The following GPR89A variants were observed in gnomAD, a reference collection of about 807,000 sequenced individuals.
GPR89A encodes the protein golgi pH regulator A, also known as G protein-coupled receptor 89A.
Under a neutral mutation model 52.0 loss-of-function variants are expected in GPR89A, and 16 were observed. That is an observed-to-expected ratio of 0.31 (90% CI 0.21 to 0.47). The LOEUF (loss-of-function observed/expected upper bound fraction) is 0.47, where lower values mean the gene tolerates loss of function less well. Ranked by LOEUF, GPR89A falls within the 20% of genes least tolerant of loss-of-function variation. The pLI is 1.00. For missense variants in GPR89A, 135 were observed against 449.4 expected (o/e 0.30, Z 6.33); for synonymous variants, 55 against 150.9 (o/e 0.36, Z 4.66).
At chr1:145,647,879 C>CTATATATATATATATATA in intron 10 of GPR89A, among the ~76,000 whole-genome samples, 1 of 24,666 alleles carries the variant, frequency 4.1e-5, no homozygotes, top group African/African-American at 2.2e-4. Flanking sequence ...CTCTCTCTCT[C>CTATATATATATATATATA]TATATATATA....
intron 10 of GPR89A, among the ~76,000 whole-genome samples, chr1:145,659,382 T>G (rs1652032514): frequency 6.6e-6 from 1 of 151,908 alleles, no homozygotes; most frequent in South Asian, 2.1e-4. Context: ...AGACAGGGTT[T>G]CACCATATTG....
chr1:145,650,995 TA>T (rs1359709755), intron 10 of GPR89A, among the ~76,000 whole-genome samples: 2 of 151,766 alleles, frequency 1.3e-5, no homozygotes, highest in Admixed American at 6.6e-5. Flanking sequence ...CTCTTTAGTT[TA>T]ATTAGATCCC....
intron 5 of GPR89A, among the ~76,000 whole-genome samples, chr1:145,629,429 G>GGA (rs1368342743): frequency 6.6e-6 from 1 of 152,200 alleles, no homozygotes; most frequent in African/African-American, 2.4e-5. Context: ...CATTGGCAAA[G>GGA]GAGAAGGACA....
At chr1:145,650,857 A>G (rs1553693416) in intron 10 of GPR89A, among the ~76,000 whole-genome samples, 1 of 151,988 alleles carries the variant, frequency 6.6e-6, no homozygotes, top group Non-Finnish European at 1.5e-5. Flanking sequence ...TTTTTCTTGT[A>G]AATTTCTTTA....
chr1:145,646,848 A>C, intron 9 of GPR89A: 1 of 328,432 alleles, frequency 3.0e-6, no homozygotes, highest in Non-Finnish European at 5.7e-6. Flanking sequence ...ACCTGAGCCT[A>C]CTCACCAGCT....
At chr1:145,635,476 C>A (rs780408832) in intron 7 of GPR89A, among the ~76,000 whole-genome samples, 1 of 151,868 alleles carries the variant, frequency 6.6e-6, no homozygotes, top group East Asian at 1.9e-4. Context: ...TTCTGCATGT[C>A]TTTACTAGGC....
rs1396429889 is a variant in GPR89A, at chr1:145,613,899, A to C, written c.43-2335A>C. On this transcript the variant is annotated intron_variant, in intron 1 of 13. Coordinates refer to ENST00000313835, the MANE Select transcript of GPR89A (RefSeq NM_001097612.2). ...CCTGCCAGGCTCAAGTGGCCCTTCC[A>C]CTTCAGCCTCCCCATAAGCTGGAAC... Among the ~76,000 whole-genome samples the C allele has an allele frequency of 2.6e-5, 4 of 151,808 alleles. No individual in the cohort carries two copies. The East Asian group carries it at 5.8e-4, about 22-fold the overall frequency.
chr1:145,661,976 A>G (rs1553695648), intron 10 of GPR89A, among the ~76,000 whole-genome samples: 1 of 152,062 alleles, frequency 6.6e-6, no homozygotes, highest in African/African-American at 2.4e-5. Context: ...ATTTAATTTC[A>G]TGTGGTCTAA....
intron 1 of GPR89A, among the ~76,000 whole-genome samples, chr1:145,610,224 A>C (rs1648157637): frequency 6.6e-6 from 1 of 151,628 alleles, no homozygotes; most frequent in Admixed American, 6.6e-5. Flanking sequence ...CTCCCTGCTC[A>C]TTTTTTCTGT....
intron 7 of GPR89A, among the ~76,000 whole-genome samples, chr1:145,635,144 C>T (rs1468719596): frequency 2.0e-5 from 3 of 152,334 alleles, no homozygotes; most frequent in Non-Finnish European, 2.9e-5. Context: ...CAGTGGCTCA[C>T]GCCTGTAATC....
intron 1 of GPR89A, 183 bp downstream of exon 1, chr1:145,608,358 C>G: frequency 9.0e-7 from 1 of 1,116,716 alleles, no homozygotes; most frequent in Non-Finnish European, 1.3e-6. Flanking sequence ...CCCCGGCTGT[C>G]AGGAGACTGG....
At chr1:145,613,741 C>T (rs587769890) in intron 1 of GPR89A, among the ~76,000 whole-genome samples, 1 of 151,116 alleles carries the variant, frequency 6.6e-6, no homozygotes, top group East Asian at 2.0e-4. Context: ...AAAGCCCTGT[C>T]CTCCTACCCC....
intron 11 of GPR89A, 146 bp from the exon 12 acceptor site, chr1:145,665,416 G>C: frequency 4.5e-6 from 4 of 894,614 alleles, no homozygotes; most frequent in Non-Finnish European, 7.3e-6. Flanking sequence ...CCACCTACTT[G>C]CTTTCCTCTC....
rs368312278 is a variant in GPR89A, at chr1:145,608,181, T to G, written c.42+6T>G. On this transcript the variant is annotated splice_donor_region_variant and intron_variant, in intron 1 of 13. Coordinates refer to ENST00000313835, the MANE Select transcript of GPR89A (RefSeq NM_001097612.2). ...GCATCATGATTACCTCCCAGGTGAG[T>G]CACCGCCTCCCGCCCCGACACCCGT... 127 of 1,613,804 alleles carry G rather than the reference T, an allele frequency of 7.9e-5. No homozygotes were observed. In the African/African-American group the frequency reaches 1.6e-3, roughly 20 times the overall value.
intron 8 of GPR89A, chr1:145,645,284 C>T (rs1291920233): frequency 3.2e-6 from 1 of 312,952 alleles, no homozygotes; most frequent in African/African-American, 2.2e-5. Flanking sequence ...AAGGAAGGAA[C>T]TGAAGGGCAC....
At chr1:145,660,456 G>A (rs1322770856) in intron 10 of GPR89A, among the ~76,000 whole-genome samples, 3 of 151,930 alleles carry the variant, frequency 2.0e-5, no homozygotes, top group African/African-American at 7.3e-5. Context: ...TTGACAAATG[G>A]GATCTAATTA....
At chr1:145,611,921 A>G (rs1313834209) in intron 1 of GPR89A, among the ~76,000 whole-genome samples, 7 of 151,726 alleles carry the variant, frequency 4.6e-5, no homozygotes, top group Non-Finnish European at 7.4e-5. Flanking sequence ...GATCCAACTT[A>G]CTTTCTTACA....
At chr1:145,645,673 A>T in intron 8 of GPR89A, 1 of 454,016 alleles carries the variant, frequency 2.2e-6, no homozygotes, top group South Asian at 1.6e-5. Context: ...TGCAAAATGG[A>T]TAACACCATG....
At chr1:145,654,369 C>A (rs1481873897) in intron 10 of GPR89A, among the ~76,000 whole-genome samples, 1 of 151,410 alleles carries the variant, frequency 6.6e-6, no homozygotes, top group Admixed American at 6.6e-5. Flanking sequence ...CTGGCTAACA[C>A]GGTGAAACCC....
Sources: gnomAD v4.1 joint callset for allele counts (sites outside exome capture counted in the v4.1 genomes callset) on GRCh38, gnomAD v4.1.1 for gene constraint, MANE v1.5 for transcripts, NCBI Gene and HGNC (gene_info 2026-07-23, HGNC 2026-07-21) for gene names.